LIPI: variants seen among roughly 807,000 people sequenced by gnomAD.
LIPI encodes lipase member I.
In LIPI, 59 loss-of-function variants were observed where a neutral mutation model predicts 50.6. That is an observed-to-expected ratio of 1.16 (90% CI 0.94 to 1.45). The LOEUF is 1.45. Ranked by LOEUF, LIPI falls within the 40% of genes most tolerant of loss-of-function variation. The pLI is 0.00. For missense variants in LIPI, 586 were observed against 536.3 expected, an observed-to-expected ratio of 1.09 and a Z score of -0.92; for synonymous variants, 203 against 178.2, an observed-to-expected ratio of 1.14 and a Z score of -1.11.
intron 4 of LIPI, among the ~76,000 whole-genome samples, chr21:14,173,272 T>C (rs920314582): frequency 6.6e-6 from 1 of 152,242 alleles, no homozygotes; most frequent in African/African-American, 2.4e-5. Context: ...GCTTTCACTT[T>C]TGGTCATAAT....
chr21:14,180,947 G>A (rs754522784), intron 4 of LIPI, among the ~76,000 whole-genome samples: 54 of 152,266 alleles, frequency 3.5e-4, no homozygotes, highest in Admixed American at 7.2e-4. Flanking sequence ...CGGTTTATAA[G>A]AATAATATAC....
At chr21:14,126,104 T>C (rs2017055117) in intron 9 of LIPI, among the ~76,000 whole-genome samples, 2 of 152,170 alleles carry the variant, frequency 1.3e-5, no homozygotes, top group Non-Finnish European at 2.9e-5. Flanking sequence ...CTGGTAGGAA[T>C]GCAAACTGTA....
At chr21:14,204,600 C>A (rs2020174123) in intron 1 of LIPI, among the ~76,000 whole-genome samples, 1 of 151,538 alleles carries the variant, frequency 6.6e-6, no homozygotes. Flanking sequence ...CATAATAAAC[C>A]AATTAAAAAG....
In LIPI at chr21:14,202,745, G is replaced by A. The variant is rs2020100889; in HGVS notation, c.46+8055C>T. Among the ~76,000 whole-genome samples, 3 of 152,034 alleles carry A rather than the reference G, an allele frequency of 2.0e-5. No individual in the cohort carries two copies. In the South Asian group the frequency reaches 6.2e-4, roughly 32 times the overall value. ...CATAAAAACCCTAGAAGAAAACCTA[G>A]GCCATACCATTCAGGACATAGGCAT... is the stretch of plus-strand genomic sequence containing the variant. On this transcript the variant is annotated intron_variant, in intron 1 of 9. Coordinates refer to ENST00000681601, the MANE Select transcript of LIPI (RefSeq NM_001302998.2).
Position 14,152,566 on chromosome 21 carries a change from T to C in LIPI, c.1118+7A>G. On this transcript the variant is annotated splice_region_variant and intron_variant, in intron 8 of 9. Transcript: ENST00000681601. ...TATGAGAGAAGAAAATAGTAAATTT[T>C]ACTTACTCATAAAGCCTTGGCTCTT... is the stretch of plus-strand genomic sequence containing the variant. 1 of 1,352,320 alleles carries C rather than the reference T, an allele frequency of 7.4e-7. No individual in the cohort carries two copies. The highest frequency in any genetic ancestry group is 1.1e-6 in the Non-Finnish European group (1 of 947,260). The allele number at this position is 1,352,320 out of a possible 1,614,324, so 83.8% of individuals were successfully genotyped here. A position where few individuals can be genotyped will look rare whatever the true frequency, so the allele number is the denominator to read the frequency against.
chr21:14,157,148 A>G (rs2018303664), intron 7 of LIPI, among the ~76,000 whole-genome samples: 1 of 152,024 alleles, frequency 6.6e-6, no homozygotes, highest in African/African-American at 2.4e-5. Flanking sequence ...GAATTGTGTG[A>G]GGAAAGACAG....
At chr21:14,150,107 C>A (rs562412093) in intron 8 of LIPI, among the ~76,000 whole-genome samples, 10 of 152,336 alleles carry the variant, frequency 6.6e-5, no homozygotes, top group Admixed American at 1.3e-4. Flanking sequence ...ACTTGGAGCT[C>A]CAGGCATTTC....
At chr21:14,150,031 C>G (rs189793196) in intron 8 of LIPI, among the ~76,000 whole-genome samples, 20 of 152,340 alleles carry the variant, frequency 1.3e-4, no homozygotes, top group Middle Eastern at 3.4e-3. Flanking sequence ...TCCAATCCCA[C>G]ATTTCCTTTC....
At chr21:14,183,613 T>A (rs2019350095) in intron 3 of LIPI, among the ~76,000 whole-genome samples, 1 of 151,794 alleles carries the variant, frequency 6.6e-6, no homozygotes, top group Admixed American at 6.6e-5. Flanking sequence ...TACAATGAAC[T>A]CAAACAAATT....
chr21:14,149,727 G>A (rs1416513080), intron 8 of LIPI, among the ~76,000 whole-genome samples: 6 of 152,188 alleles, frequency 3.9e-5, no homozygotes, highest in African/African-American at 1.2e-4. Flanking sequence ...AAATCCAATA[G>A]GGCAGTCATT....
chr21:14,111,772 G>C (rs765521011), intron 9 of LIPI, among the ~76,000 whole-genome samples: 3 of 152,006 alleles, frequency 2.0e-5, no homozygotes, highest in Non-Finnish European at 2.9e-5. Context: ...TTTTGTATAA[G>C]GTGTGACATA....
intron 9 of LIPI, among the ~76,000 whole-genome samples, chr21:14,115,035 A>G (rs1037986855): frequency 3.3e-5 from 5 of 152,190 alleles, no homozygotes; most frequent in African/African-American, 1.2e-4. Flanking sequence ...TGAATTTTAC[A>G]AGTATAATCA....
chr21:14,153,002 C>A (rs1362741981), intron 7 of LIPI, among the ~76,000 whole-genome samples: 1 of 151,996 alleles, frequency 6.6e-6, no homozygotes, highest in African/African-American at 2.4e-5. Flanking sequence ...GAAATTAGGC[C>A]AATTAAGCAA....
At chr21:14,143,120 AG>A (rs1393087723) in intron 9 of LIPI, among the ~76,000 whole-genome samples, 1 of 152,168 alleles carries the variant, frequency 6.6e-6, no homozygotes, top group Non-Finnish European at 1.5e-5. Context: ...TACCATTAAA[AG>A]TATTAGATGT....
At position 14,134,543 on chromosome 21, in the gene LIPI, A is replaced by C. The variant is rs562619202; in HGVS notation, c.1295+10080T>G. On this transcript the variant is annotated intron_variant, in intron 9 of 9. Coordinates refer to ENST00000681601, the MANE Select transcript of LIPI (RefSeq NM_001302998.2). ...ATCATATTACCTAACTTCAAATTATACTACAAGGCTAGAGTAGCCAAAACA... is the reference window on the plus strand; with the variant it reads ...ATCATATTACCTAACTTCAAATTATCCTACAAGGCTAGAGTAGCCAAAACA... Among the ~76,000 whole-genome samples the C allele has an allele frequency of 9.2e-5, 14 of 152,320 alleles. No individual in the cohort carries two copies. In the East Asian group the frequency reaches 2.3e-3, roughly 25 times the overall value.
intron 1 of LIPI, among the ~76,000 whole-genome samples, chr21:14,200,093 G>A (rs2019999653): frequency 6.6e-6 from 1 of 151,926 alleles, no homozygotes; most frequent in South Asian, 2.1e-4. Flanking sequence ...TGTATTGAAG[G>A]AACATGCCTC....
intron 3 of LIPI, among the ~76,000 whole-genome samples, chr21:14,183,064 A>G (rs901929203): frequency 2.0e-5 from 3 of 152,298 alleles, no homozygotes; most frequent in East Asian, 3.9e-4. Context: ...ATGCTACCTG[A>G]CTTCAAACTA....
chr21:14,139,844 G>T (rs1445022152), intron 9 of LIPI, among the ~76,000 whole-genome samples: 1 of 152,096 alleles, frequency 6.6e-6, no homozygotes, highest in Admixed American at 6.6e-5. Flanking sequence ...CCAGTACAAA[G>T]GTTCTAAGGA....
intron 1 of LIPI, among the ~76,000 whole-genome samples, chr21:14,207,262 T>A (rs772128319): frequency 6.6e-6 from 1 of 152,172 alleles, no homozygotes; most frequent in Non-Finnish European, 1.5e-5. Context: ...AGAATGACTA[T>A]AGTTAACAAT....
Sources: gnomAD v4.1 joint callset for allele counts (sites outside exome capture counted in the v4.1 genomes callset) on GRCh38, gnomAD v4.1.1 for gene constraint, MANE v1.5 for transcripts, NCBI Gene and HGNC (gene_info 2026-07-23, HGNC 2026-07-21) for gene names.